Variants in DMXL2 observed in about 807,000 individuals in gnomAD.
DMXL2 encodes dmX-like protein 2.
DMXL2 carries 103 observed loss-of-function variants against 331.1 expected under a neutral mutation model. The observed-to-expected ratio is 0.31, with a 90% CI of 0.27 to 0.37. The LOEUF is 0.37. Ranked by LOEUF, DMXL2 falls within the 10% of genes least tolerant of loss-of-function variation. The pLI is 1.00. For synonymous variants in DMXL2, 1,281 were observed against 1,252.1 expected (o/e 1.02, Z -0.49); for missense variants, 3,171 against 3,642.9 (o/e 0.87, Z 3.33).
At chr15:51,507,769 AAAAT>A (rs1465948194) in intron 15 of DMXL2, among the ~76,000 whole-genome samples, 2 of 151,930 alleles carry the variant, frequency 1.3e-5, no homozygotes, top group Non-Finnish European at 2.9e-5. Context: ...AAGAAATAAT[AAAAT>A]AAACATTCAT....
In DMXL2 at chr15:51,576,080, C is replaced by T. The variant is rs764056392; in HGVS notation, c.189G>A (p.Val63=). The T allele has an allele frequency of 1.2e-6, 2 of 1,600,232 alleles. No homozygotes were observed. The change falls in exon 2 of 44, where the codon GTG becomes GTA. Residue 63 remains valine (V), a synonymous_variant. Transcript: ENST00000560891. ...AKHGNIQVSC[V]ECSNQQGRIA... The stretch of plus-strand genomic sequence containing the variant: ...CTCTTCCTTGTTGGTTAGAACACTC[C>T]ACACAGCTGACTTGGATGTTTCCAT...
intron 36 of DMXL2, 70 bp from the exon 37 acceptor site, chr15:51,457,536 T>A: frequency 6.4e-7 from 1 of 1,551,798 alleles, no homozygotes; most frequent in Non-Finnish European, 8.8e-7. Flanking sequence ...ACTAAAAATC[T>A]TCTTATGTAC....
At chr15:51,459,537 A>G in intron 34 of DMXL2, 61 bp downstream of exon 34, 1 of 1,260,832 alleles carries the variant, frequency 7.9e-7, no homozygotes, top group African/African-American at 1.5e-5. Flanking sequence ...AGTATCAGAG[A>G]TGAGGCGTTA....
intron 13 of DMXL2, among the ~76,000 whole-genome samples, chr15:51,523,064 C>T (rs1268497208): frequency 6.6e-6 from 1 of 152,098 alleles, no homozygotes; most frequent in African/African-American, 2.4e-5. Flanking sequence ...GTATCTGTTA[C>T]AAAATTTTTA....
chr15:51,605,906 T>C (rs987808927), intron 1 of DMXL2, among the ~76,000 whole-genome samples: 2 of 152,130 alleles, frequency 1.3e-5, no homozygotes. Flanking sequence ...AAATAAAAAA[T>C]ACTGTGAGGA....
At chr15:51,603,175 A>G (rs1392035120) in intron 1 of DMXL2, among the ~76,000 whole-genome samples, 1 of 152,246 alleles carries the variant, frequency 6.6e-6, no homozygotes, top group Admixed American at 6.5e-5. Context: ...GTGAATATGA[A>G]TGAAATCAAA....
intron 5 of DMXL2, 115 bp from the exon 6 acceptor site, chr15:51,563,562 T>C: frequency 1.7e-6 from 1 of 586,218 alleles, no homozygotes; most frequent in East Asian, 3.4e-5. Flanking sequence ...AATAAGACTG[T>C]TTTTGCTTCC....
At chr15:51,467,711 G>A (rs1015782913) in intron 29 of DMXL2, among the ~76,000 whole-genome samples, 3 of 151,430 alleles carry the variant, frequency 2.0e-5, no homozygotes, top group Admixed American at 1.3e-4. Context: ...TAAGTTTATA[G>A]CCTTGGACCT....
intron 41 of DMXL2, among the ~76,000 whole-genome samples, chr15:51,452,355 A>G (rs1003460363): frequency 6.6e-6 from 1 of 152,158 alleles, no homozygotes; most frequent in African/African-American, 2.4e-5. Context: ...GGGAGAAAAT[A>G]CAATGTATAT....
chr15:51,502,342 G>GTGTGTGTGTGTGTGTGTGTGTGTGTGT (rs767248212), intron 17 of DMXL2, among the ~76,000 whole-genome samples: 8 of 150,414 alleles, frequency 5.3e-5, no homozygotes, highest in African/African-American at 1.7e-4. Flanking sequence ...GTGTGTGTAT[G>GTGTGTGTGTGTGTGTGTGTGTGTGTGT]GAGTCTCACT....
chr15:51,481,572 C>T lies in DMXL2; in HGVS notation c.5534G>A (p.Arg1845Gln), dbSNP rs1429598525. Reference sequence around the variant, plus strand: ...TCTTCGAATGAGCAAAGGATGAGTTCGAAGGTAGTTATAAAAACTAAATGC... The same window carrying T: ...TCTTCGAATGAGCAAAGGATGAGTTTGAAGGTAGTTATAAAAACTAAATGC... ...PVAFSFYNYL[R>Q]THPLLIRRNL... The change falls in exon 24 of 44, where the codon CGA (arginine) becomes CAA (glutamine). Residue 1845 changes from arginine to glutamine, a missense_variant. By Grantham distance (43) the Arg-to-Gln change is conservative. Around this residue, in one of 7 missense-constraint regions of DMXL2, gnomAD observed 244 missense variants for 251.4 expected, o/e 0.97. Coordinates refer to ENST00000560891, the MANE Select transcript of DMXL2 (RefSeq NM_001378457.1). The T allele has an allele frequency of 6.3e-6, 10 of 1,585,896 alleles. No homozygotes were observed. The highest frequency in any genetic ancestry group is 2.2e-5 in the East Asian group (1 of 44,730).
chr15:51,615,374 G>A (rs918199358), intron 1 of DMXL2, among the ~76,000 whole-genome samples: 2 of 152,222 alleles, frequency 1.3e-5, no homozygotes, highest in Non-Finnish European at 2.9e-5. Flanking sequence ...GAGTAGGAAA[G>A]AGAGATGCAA....
At chr15:51,572,584 A>G (rs574720391) in intron 2 of DMXL2, among the ~76,000 whole-genome samples, 2 of 152,198 alleles carry the variant, frequency 1.3e-5, no homozygotes, top group Non-Finnish European at 1.5e-5. Context: ...AAGCTTGTCC[A>G]TCACCATCAA....
At chr15:51,582,794 A>T (rs1172175628) in intron 1 of DMXL2, among the ~76,000 whole-genome samples, 1 of 152,164 alleles carries the variant, frequency 6.6e-6, no homozygotes, top group Non-Finnish European at 1.5e-5. Context: ...GTTTTCAGTA[A>T]CAAGATTTTC....
chr15:51,551,731 A>G (rs2140968805), intron 6 of DMXL2, among the ~76,000 whole-genome samples: 1 of 152,348 alleles, frequency 6.6e-6, no homozygotes, highest in Middle Eastern at 3.4e-3. Context: ...AGAAGCCACT[A>G]TGTGAATGGC....
chr15:51,463,387 G>T lies in DMXL2; in HGVS notation c.7918C>A (p.Gln2640Lys). Residue 2640 changes from glutamine (Q) to lysine (K), a missense_variant, in exon 33 of 44, where the codon CAG (glutamine) becomes AAG (lysine). Physicochemically the swap from Gln to Lys is moderately conservative, Grantham distance 53 (BLOSUM62 1). Coordinates refer to ENST00000560891, the MANE Select transcript of DMXL2 (RefSeq NM_001378457.1). ...TATTTTTCTCAAAATACCTCACTCTGCTTTCTTTTCTTAGTGAAAATATAT... is the reference window on the plus strand; with the variant it reads ...TATTTTTCTCAAAATACCTCACTCTTCTTTCTTTTCTTAGTGAAAATATAT... The part of the protein sequence containing the change: ...IRYIFTKKRK[Q>K]SESIEEHVEQ... 6.5e-7 allele frequency: 1 copy of T among 1,530,018 alleles called. No individual in the cohort carries two copies. The highest frequency in any genetic ancestry group is 8.9e-7 in the Non-Finnish European group (1 of 1,118,678). The allele number at this position is 1,530,018 out of a possible 1,614,324, so 94.8% of individuals were successfully genotyped here.
chr15:51,550,584 A>G (rs2049153341), intron 6 of DMXL2, among the ~76,000 whole-genome samples: 1 of 152,134 alleles, frequency 6.6e-6, no homozygotes, highest in South Asian at 2.1e-4. Flanking sequence ...GCTGCATGAG[A>G]ACTCAAAAAA....
At chr15:51,610,207 A>G (rs1364536653) in intron 1 of DMXL2, among the ~76,000 whole-genome samples, 1 of 152,254 alleles carries the variant, frequency 6.6e-6, no homozygotes, top group East Asian at 1.9e-4. Flanking sequence ...GTTACTTCCT[A>G]ATGATCAACA....
In DMXL2 at chr15:51,536,607, C is replaced by A. The variant is rs2048301897; in HGVS notation, c.1873G>T (p.Ala625Ser). 2.5e-6 allele frequency: 4 copies of A among 1,613,854 alleles called. No individual in the cohort carries two copies. The Admixed American group carries it at 5.0e-5, about 20-fold the overall frequency. The change falls in exon 12 of 44, where the codon GCA (alanine) becomes TCA (serine). Residue 625 changes from alanine to serine, a missense_variant. Physicochemically the swap from Ala to Ser is moderately conservative, Grantham distance 99. Transcript: ENST00000560891. The stretch of plus-strand genomic sequence containing the variant: ...GCAGACTTATCAGCAAAAGTGACTG[C>A]CCACTGATTTAAAGAACCATCTATG... The part of the protein sequence containing the change: ...KHIDGSLNQW[A>S]VTFADKSAFT...
Sources: allele counts gnomAD v4.1 joint callset (sites outside exome capture counted in the v4.1 genomes callset), GRCh38; gene constraint gnomAD v4.1.1; regional missense constraint gnomAD v4.1.1; transcripts MANE v1.5; gene names NCBI Gene and HGNC (gene_info 2026-07-23, HGNC 2026-07-21).